Variants in ZNF717 observed in about 807,000 individuals in gnomAD.
The protein encoded by ZNF717 is krueppel-like factor X17.
A neutral mutation model predicts 13.8 loss-of-function variants in ZNF717; 9 were observed. That is an observed-to-expected ratio of 0.65 (90% CI 0.39 to 1.14). ZNF717 has a LOEUF of 1.14. Among genes scored for constraint, ZNF717 ranks in the 50% most tolerant of loss-of-function variants. The pLI is 0.01. For missense variants in ZNF717, 1,040 were observed against 1,080.7 expected, an observed-to-expected ratio of 0.96 and a Z score of 0.53; for synonymous variants, 327 against 364.1, an observed-to-expected ratio of 0.90 and a Z score of 1.16.
chr3:75,731,175 C>G (rs2918497), downstream of ZNF717, among the ~76,000 whole-genome samples: 126,591 of 150,340 alleles, frequency 0.84, 52,657 homozygotes, highest in Middle Eastern at 0.88. Context: ...TCAGGAGTTT[C>G]AGACCAACCT....
chr3:75,749,958 C>A (rs796839808), intron 2 of ZNF717, among the ~76,000 whole-genome samples: 1 of 149,930 alleles, frequency 6.7e-6, no homozygotes, highest in Admixed American at 6.6e-5. Flanking sequence ...AATACTGCTA[C>A]GAGGGTCTGA....
At chr3:75,755,364 T>C (rs868647358) in intron 2 of ZNF717, among the ~76,000 whole-genome samples, 1 of 152,248 alleles carries the variant, frequency 6.6e-6, no homozygotes. Flanking sequence ...ACAGATAGAT[T>C]ATGTATGCTT....
chr3:75,743,326 T>C (rs78219422), intron 2 of ZNF717, among the ~76,000 whole-genome samples: 1,928 of 97,676 alleles, frequency 0.02, no homozygotes, highest in Middle Eastern at 0.027. Flanking sequence ...ACAGAGACAA[T>C]CATCTATTTT....
chr3:75,755,486 A>G (rs1395136680), intron 2 of ZNF717, among the ~76,000 whole-genome samples: 6 of 152,194 alleles, frequency 3.9e-5, no homozygotes, highest in Non-Finnish European at 8.8e-5. Flanking sequence ...CTGACCAATA[A>G]GCTTGTAGAT....
At chr3:75,764,760 G>A (rs904722939) in intron 2 of ZNF717, among the ~76,000 whole-genome samples, 6 of 152,080 alleles carry the variant, frequency 3.9e-5, no homozygotes, top group Admixed American at 1.3e-4. Context: ...AGTAACAAGT[G>A]CAGGTGAAAC....
chr3:75,719,525 T>A (rs1938127217), intron 4 of ZNF717, among the ~76,000 whole-genome samples: 1 of 152,334 alleles, frequency 6.6e-6, no homozygotes, highest in South Asian at 2.1e-4. Context: ...CAGACATTGC[T>A]ATAGTGGTTT....
chr3:75,758,900 G>T (rs1258373081), intron 2 of ZNF717, among the ~76,000 whole-genome samples: 1 of 152,184 alleles, frequency 6.6e-6, no homozygotes, highest in Non-Finnish European at 1.5e-5. Context: ...CTAGTCAGGA[G>T]TCTGAGGTGG....
intron 4 of ZNF717, among the ~76,000 whole-genome samples, chr3:75,722,857 C>T (rs1938197236): frequency 7.5e-6 from 1 of 134,114 alleles, no homozygotes; most frequent in South Asian, 2.3e-4. Context: ...TGTTCTTCTT[C>T]TTTGATCTCC....
chr3:75,772,050 G>A, intron 2 of ZNF717, among the ~76,000 whole-genome samples: 1 of 152,256 alleles, frequency 6.6e-6, no homozygotes, highest in Non-Finnish European at 1.5e-5. Context: ...GAGGGAGGTT[G>A]AGGTGGGGCT....
At chr3:75,709,294 C>T (rs1345237201), downstream of ZNF717, among the ~76,000 whole-genome samples, 2 of 152,072 alleles carry the variant, frequency 1.3e-5, no homozygotes, top group African/African-American at 4.8e-5. Flanking sequence ...GCCACTGCAC[C>T]CAGCCTCCAC....
chr3:75,734,100 C>T (rs1169730100), downstream of ZNF717, among the ~76,000 whole-genome samples: 1 of 152,124 alleles, frequency 6.6e-6, no homozygotes, highest in Non-Finnish European at 1.5e-5. Flanking sequence ...GACAGAGTCT[C>T]TCTCTGTTGC....
At chr3:75,709,900 C>A (rs1221946531) in exon 6 of ZNF717, 3 of 152,058 alleles carry the variant, frequency 2.0e-5, no homozygotes, top group Admixed American at 2.0e-4. Flanking sequence ...TAGGATGGAC[C>A]TATTTTGGTT....
intron 2 of ZNF717, among the ~76,000 whole-genome samples, chr3:75,780,648 C>A (rs1351680958): frequency 2.6e-5 from 4 of 151,848 alleles, no homozygotes; most frequent in East Asian, 3.9e-4. Context: ...GATCCACCCA[C>A]CTCGGCCTCC....
At position 75,736,559 on chromosome 3, in the gene ZNF717, C is replaced by T; in HGVS notation, c.*319G>A. On this transcript the variant is annotated 3_prime_UTR_variant, in exon 5 of 5. Coordinates refer to ENST00000652011, the MANE Select transcript of ZNF717 (RefSeq NM_001290208.3). Reference sequence around the variant, plus strand: ...CCCCAACATTCCCTTGAGACAAAGCCTAATCCTGAGAAAGGCCCTAACTCT... The same window carrying T: ...CCCCAACATTCCCTTGAGACAAAGCTTAATCCTGAGAAAGGCCCTAACTCT... The T allele has an allele frequency of 3.2e-6, 1 of 312,180 alleles. No individual in the cohort carries two copies. Among genetic ancestry groups the T allele is most frequent in the East Asian group, 5.9e-5 (1 of 16,950 alleles). 19.3% of individuals were successfully genotyped at this position (312,180 alleles called of 1,614,324 possible). A position where few individuals can be genotyped will look rare whatever the true frequency, so the allele number is the denominator to read the frequency against.
At chr3:75,723,766 T>C (rs1169811266) in intron 4 of ZNF717, among the ~76,000 whole-genome samples, 5 of 152,162 alleles carry the variant, frequency 3.3e-5, no homozygotes, top group African/African-American at 9.7e-5. Context: ...GGTCTAGCGG[T>C]AGCTCTAGTG....
At chr3:75,734,257 GAC>G (rs1466035183), downstream of ZNF717, among the ~76,000 whole-genome samples, 2 of 151,580 alleles carry the variant, frequency 1.3e-5, no homozygotes, top group Non-Finnish European at 2.9e-5. Flanking sequence ...TTTTATTAGA[GAC>G]AGTGTTTCAC....
At chr3:75,770,837 G>T (rs767303445) in intron 2 of ZNF717, among the ~76,000 whole-genome samples, 8 of 152,208 alleles carry the variant, frequency 5.3e-5, no homozygotes, top group Non-Finnish European at 8.8e-5. Context: ...AAGCTGTAGA[G>T]AAACAGGACT....
At chr3:75,735,154 T>C (rs1383462661), downstream of ZNF717, among the ~76,000 whole-genome samples, 9 of 152,208 alleles carry the variant, frequency 5.9e-5, no homozygotes, top group Admixed American at 1.3e-4. Context: ...TACAAGGCTA[T>C]GTATGCTTAC....
intron 2 of ZNF717, among the ~76,000 whole-genome samples, chr3:75,755,584 G>T (rs1205107032): frequency 6.7e-6 from 1 of 149,892 alleles, no homozygotes; most frequent in African/African-American, 2.4e-5. Flanking sequence ...GGAAGGATGG[G>T]AGGGAGGAAT....
Sources: gnomAD v4.1 joint callset for allele counts (sites outside exome capture counted in the v4.1 genomes callset) on GRCh38, gnomAD v4.1.1 for gene constraint, MANE v1.5 for transcripts, NCBI Gene and HGNC (gene_info 2026-07-23, HGNC 2026-07-21) for gene names.